The following SPON1 variants were observed in gnomAD, a reference collection of about 807,000 sequenced individuals.
SPON1 encodes the protein spondin-1.
Under a neutral mutation model 111.7 loss-of-function variants are expected in SPON1, and 52 were observed. The observed-to-expected ratio is 0.47, with a 90% CI of 0.37 to 0.59. The LOEUF (loss-of-function observed/expected upper bound fraction) is 0.59. SPON1 is among the 20% of genes least tolerant of loss of function. The pLI is 0.00. For synonymous variants in SPON1, 410 were observed against 395.8 expected, an observed-to-expected ratio of 1.04 and a Z score of -0.43; for missense variants, 957 against 1,068.5, an observed-to-expected ratio of 0.90 and a Z score of 1.46.
chr11:14,094,907 G>A (rs1324545499), intron 5 of SPON1, among the ~76,000 whole-genome samples: 3 of 152,220 alleles, frequency 2.0e-5, no homozygotes, highest in Admixed American at 2.0e-4. Flanking sequence ...GGCTTGGACT[G>A]CAGCGGTGAA....
Position 14,259,191 on chromosome 11 carries a change from A to ATTCCCGCT in SPON1, c.1493-88_1493-81dup. Reference sequence around the variant, plus strand: ...AACCTCAACTGCCTGACTCCTCTTGATTCCCGCTGGCGGGAAGTTCCCACC... The same window carrying ATTCCCGCT: ...AACCTCAACTGCCTGACTCCTCTTGATTCCCGCTTTCCCGCTGGCGGGAAGTTCCCACC... On this transcript the variant is annotated intron_variant, in intron 11 of 15. Transcript: ENST00000576479. The surrounding 1 kb of genome is among the most constrained non-coding windows in gnomAD (Gnocchi z 5.0). The ATTCCCGCT allele has an allele frequency of 3.5e-6, 5 of 1,415,942 alleles. No individual in the cohort carries two copies. The highest frequency in any genetic ancestry group is 2.8e-6 in the Non-Finnish European group (3 of 1,061,102). The allele number at this position is 1,415,942 out of a possible 1,614,324, so 87.7% of individuals were successfully genotyped here.
intron 4 of SPON1, among the ~76,000 whole-genome samples, chr11:14,077,404 C>A (rs1254318807): frequency 6.6e-5 from 10 of 152,004 alleles, no homozygotes; most frequent in African/African-American, 2.4e-4. Flanking sequence ...TGACCTATAA[C>A]AAACATATGC....
intron 2 of SPON1, among the ~76,000 whole-genome samples, chr11:13,997,391 G>A (rs782215430): frequency 2.0e-5 from 3 of 152,174 alleles, no homozygotes; most frequent in Non-Finnish European, 4.4e-5. Flanking sequence ...AAGTCAAGAA[G>A]TCTCTGAATT....
At chr11:14,123,243 T>C (rs1399329508) in intron 5 of SPON1, among the ~76,000 whole-genome samples, 4 of 152,186 alleles carry the variant, frequency 2.6e-5, no homozygotes, top group Non-Finnish European at 5.9e-5. Flanking sequence ...TGTCTAGAAA[T>C]TTTTTATTGC....
At chr11:14,102,963 C>T (rs372388834) in intron 5 of SPON1, among the ~76,000 whole-genome samples, 32 of 152,268 alleles carry the variant, frequency 2.1e-4, no homozygotes, top group Middle Eastern at 6.8e-3. Flanking sequence ...TCATGTTCAG[C>T]TTGCATTCTC....
chr11:14,150,038 T>G (rs1268369205), intron 6 of SPON1, among the ~76,000 whole-genome samples: 2 of 152,176 alleles, frequency 1.3e-5, no homozygotes, highest in African/African-American at 4.8e-5. Flanking sequence ...ATTGCGGCAT[T>G]ATTCACAATA....
chr11:13,976,950 A>C (rs538941289), intron 1 of SPON1, among the ~76,000 whole-genome samples: 1 of 152,182 alleles, frequency 6.6e-6, no homozygotes, highest in Non-Finnish European at 1.5e-5. Context: ...AAATGTAATC[A>C]TACCATTTGT....
intron 5 of SPON1, among the ~76,000 whole-genome samples, chr11:14,118,578 G>C (rs1262129115): frequency 6.6e-6 from 1 of 152,160 alleles, no homozygotes; most frequent in East Asian, 1.9e-4. Context: ...GAAAGACTGG[G>C]CTGGGAAGGC....
intron 3 of SPON1, among the ~76,000 whole-genome samples, chr11:14,061,303 G>T (rs1848789433): frequency 1.3e-5 from 2 of 152,162 alleles, no homozygotes; most frequent in South Asian, 4.1e-4. Flanking sequence ...AATGTAGAAG[G>T]TTCAAGTCCT....
At chr11:14,116,601 A>C (rs1273040474) in intron 5 of SPON1, among the ~76,000 whole-genome samples, 1 of 152,154 alleles carries the variant, frequency 6.6e-6, no homozygotes, top group South Asian at 2.1e-4. Context: ...CTGCCCTGCA[A>C]ATAATACACT....
chr11:14,180,501 C>T (rs143184706), intron 6 of SPON1, among the ~76,000 whole-genome samples: 4 of 152,352 alleles, frequency 2.6e-5, no homozygotes, highest in East Asian at 3.9e-4. Flanking sequence ...CTCCTTTCAT[C>T]GGCTAGCTCC....
Position 14,259,640 on chromosome 11 carries a change from A to G in SPON1, c.1770A>G (p.Ala590=), listed in dbSNP as rs782320667. ...ACCGCATGATCAAGATGAACCCCGC[A>G]GATGGCTCCATGTGCAAAGCCGAGA... The part of the protein sequence containing the change: ...KRHRMIKMNP[A]DGSMCKAETS... The change falls in exon 13 of 16, where the codon GCA becomes GCG. Residue 590 remains alanine, a synonymous_variant. Coordinates refer to ENST00000576479, the MANE Select transcript of SPON1 (RefSeq NM_006108.4). The surrounding 1 kb of genome is among the most constrained non-coding windows in gnomAD (Gnocchi z 5.0). 57 of 1,566,386 alleles carry G rather than the reference A, an allele frequency of 3.6e-5. No homozygotes were observed. Among genetic ancestry groups the G allele is most frequent in the Non-Finnish European group, 4.8e-5 (56 of 1,155,668 alleles).
At chr11:14,192,859 G>A (rs1848362548) in intron 6 of SPON1, among the ~76,000 whole-genome samples, 1 of 151,932 alleles carries the variant, frequency 6.6e-6, no homozygotes. Flanking sequence ...TACAACCAAG[G>A]TAAAGAACCA....
At chr11:14,212,313 A>G (rs1404610842) in intron 6 of SPON1, among the ~76,000 whole-genome samples, 5 of 152,154 alleles carry the variant, frequency 3.3e-5, no homozygotes, top group Non-Finnish European at 7.3e-5. Flanking sequence ...AATTTTTAAA[A>G]AATTTCTACC....
At chr11:14,232,487 C>T (rs1848813631) in intron 6 of SPON1, among the ~76,000 whole-genome samples, 1 of 152,156 alleles carries the variant, frequency 6.6e-6, no homozygotes, top group Admixed American at 6.5e-5. Flanking sequence ...ACCAGAGCAC[C>T]TGCAGATAAC....
At chr11:14,232,817 CTG>C (rs1848817293) in intron 6 of SPON1, among the ~76,000 whole-genome samples, 2 of 152,192 alleles carry the variant, frequency 1.3e-5, no homozygotes, top group South Asian at 4.1e-4. Flanking sequence ...TAATTCACCT[CTG>C]TCTTTCCTGA....
At chr11:14,248,929 G>C (rs1406737964) in intron 7 of SPON1, among the ~76,000 whole-genome samples, 1 of 152,190 alleles carries the variant, frequency 6.6e-6, no homozygotes, top group South Asian at 2.1e-4. Flanking sequence ...GGTAGAGACA[G>C]GAAAGGCAGA....
rs1452710159 is a variant in SPON1 at position 14,160,889 on chromosome 11, ATATATATT to A, written c.825+25337_825+25344del. 3.0e-4 allele frequency among the ~76,000 whole-genome samples: 15 copies of A among 50,266 alleles called. 3 individuals carry two copies. Among genetic ancestry groups the A allele is most frequent in the South Asian group, 7.3e-4 (1 of 1,362 alleles). The allele number at this position is 50,266 out of a possible 152,430, so 33.0% of individuals were successfully genotyped here. ...TATATTTTTATATTTTTATATATTT[ATATATATT>A]TATATATTTATATATATATTTATAT... On this transcript the variant is annotated intron_variant, in intron 6 of 15. Coordinates refer to ENST00000576479, the MANE Select transcript of SPON1 (RefSeq NM_006108.4).
chr11:14,165,468 G>A (rs143439609), intron 6 of SPON1, among the ~76,000 whole-genome samples: 190 of 152,200 alleles, frequency 1.2e-3, no homozygotes, highest in African/African-American at 3.7e-3. Context: ...GCCTGGCTGG[G>A]TTTTCAAGGC....
Sources: gnomAD v4.1 joint callset for allele counts (sites outside exome capture counted in the v4.1 genomes callset) on GRCh38, gnomAD v4.1.1 for gene constraint, Gnocchi (gnomAD v3.1) non-coding constraint, MANE v1.5 for transcripts, NCBI Gene and HGNC (gene_info 2026-07-23, HGNC 2026-07-21) for gene names.